Variants in ABTB2 observed in about 807,000 individuals in gnomAD.
The protein encoded by ABTB2 is ankyrin repeat and BTB/POZ domain-containing protein 2.
Under a neutral mutation model 104.1 loss-of-function variants are expected in ABTB2, and 56 were observed. The observed-to-expected ratio is 0.54, with a 90% confidence interval of 0.43 to 0.67. The LOEUF is 0.67. ABTB2 is among the 30% of genes least tolerant of loss of function. The pLI is 0.00. For synonymous variants in ABTB2, 606 were observed against 608.2 expected (o/e 1.00, Z 0.05); for missense variants, 1,279 against 1,407.7 (o/e 0.91, Z 1.46).
In ABTB2 at chr11:34,357,090, A is replaced by C. The variant is rs1198998779; in HGVS notation, c.494T>G (p.Val165Gly). ...GCTCTCGGCCAGCGCCCAGCTGTGC[A>C]CCAGGCGCACGGCGCTCTGCACCTC... The part of the protein sequence containing the change: ...RFEVQSAVRL[V>G]HSWALAESCA... Residue 165 changes from valine to glycine, a missense_variant, in exon 1 of 17, where the codon GTG becomes GGG. Val to Gly is a moderately radical substitution (Grantham distance 109, BLOSUM62 -3). Transcript: ENST00000435224. 2.0e-6 allele frequency: 3 copies of C among 1,520,620 alleles called. No individual in the cohort carries two copies. Among genetic ancestry groups the C allele is most frequent in the Non-Finnish European group, 2.6e-6 (3 of 1,137,824 alleles). 94.2% of individuals were successfully genotyped at this position (1,520,620 alleles called of 1,614,324 possible).
In ABTB2 at chr11:34,350,340, C is replaced by T. The variant is rs114707898; in HGVS notation, c.883+6361G>A. 1.3e-3 allele frequency among the ~76,000 whole-genome samples: 198 copies of T among 152,282 alleles called. 1 individual carries two copies. Among genetic ancestry groups the T allele is most frequent in the African/African-American group, 4.6e-3 (191 of 41,558 alleles). On this transcript the variant is annotated intron_variant, in intron 1 of 16. Transcript: ENST00000435224. ...AGACTCAAATCCCTCTTGGTGCCTTCTCTCCTTCATGTATTAGCCTTTGCT... is the reference window on the plus strand; with the variant it reads ...AGACTCAAATCCCTCTTGGTGCCTTTTCTCCTTCATGTATTAGCCTTTGCT...
intron 1 of ABTB2, among the ~76,000 whole-genome samples, chr11:34,342,961 A>G (rs1434431751): frequency 6.7e-6 from 1 of 148,974 alleles, no homozygotes. Context: ...TTATTTATTT[A>G]TTCGTTCATT....
In ABTB2 at chr11:34,289,977, C is replaced by T. The variant is rs551355354; in HGVS notation, c.883+66724G>A. 6.6e-5 allele frequency among the ~76,000 whole-genome samples: 10 copies of T among 152,314 alleles called. No individual in the cohort carries two copies. In the South Asian group the frequency reaches 2.1e-3, roughly 32 times the overall value. On this transcript the variant is annotated intron_variant, in intron 1 of 16. Transcript: ENST00000435224. ...TAACTAACTATAGTCCTCACTCTCC[C>T]CAGTTGTCTTCTACAATTTCCAATT...
At chr11:34,210,168 G>A (rs527424848) in intron 1 of ABTB2, among the ~76,000 whole-genome samples, 2 of 152,292 alleles carry the variant, frequency 1.3e-5, no homozygotes, top group East Asian at 3.9e-4. Context: ...GCAGGGCTTA[G>A]GCCAAAGGCC....
chr11:34,288,809 A>C (rs1217442403), intron 1 of ABTB2, among the ~76,000 whole-genome samples: 1 of 152,088 alleles, frequency 6.6e-6, no homozygotes, highest in Non-Finnish European at 1.5e-5. Flanking sequence ...ATACATGGAA[A>C]CGCTCTGCTC....
chr11:34,171,171 A>C, intron 4 of ABTB2, 100 bp from the exon 5 acceptor site: 1 of 1,338,932 alleles, frequency 7.5e-7, no homozygotes, highest in Non-Finnish European at 1.0e-6. Flanking sequence ...AGTGAGGATG[A>C]GGATGGGTGG....
chr11:34,347,614 T>C (rs967691285), intron 1 of ABTB2, among the ~76,000 whole-genome samples: 1 of 152,180 alleles, frequency 6.6e-6, no homozygotes, highest in African/African-American at 2.4e-5. Context: ...CCTGAGTTAT[T>C]AGCTAAGCCA....
rs1050875722 is a variant in ABTB2 at position 34,167,369 on chromosome 11, T to C, written c.1654-9A>G. The C allele has an allele frequency of 1.2e-6, 2 of 1,610,136 alleles. No individual in the cohort carries two copies. Among genetic ancestry groups the C allele is most frequent in the Non-Finnish European group, 1.7e-6 (2 of 1,177,870 alleles). On this transcript the variant is annotated splice_polypyrimidine_tract_variant and intron_variant, in intron 6 of 16. Coordinates refer to ENST00000435224, the MANE Select transcript of ABTB2 (RefSeq NM_145804.3). ...GGGGAGTTGCTTGGAACCTGGAAAA[T>C]ACCACAAATCATCTGTGTTTTCTGG...
At chr11:34,296,989 C>G (rs1000893743) in intron 1 of ABTB2, among the ~76,000 whole-genome samples, 2 of 152,198 alleles carry the variant, frequency 1.3e-5, no homozygotes, top group Admixed American at 1.3e-4. Flanking sequence ...AAATTTACCA[C>G]CTATCCTATT....
At chr11:34,352,703 G>T (rs1168606543) in intron 1 of ABTB2, among the ~76,000 whole-genome samples, 1 of 152,174 alleles carries the variant, frequency 6.6e-6, no homozygotes, top group Non-Finnish European at 1.5e-5. Flanking sequence ...TTTTGCAGAT[G>T]ACAAAATTGA....
Position 34,167,890 on chromosome 11 carries a change from G to C in ABTB2, c.1653+13C>G, listed in dbSNP as rs780149670. On this transcript the variant is annotated intron_variant, in intron 6 of 16. Coordinates refer to ENST00000435224, the MANE Select transcript of ABTB2 (RefSeq NM_145804.3). Reference sequence around the variant, plus strand: ...GCCTAGGGCCTGGGTGCAGCTCTGTGGGGCTTCCTCACCTGGATGTCCAAG... The same window carrying C: ...GCCTAGGGCCTGGGTGCAGCTCTGTCGGGCTTCCTCACCTGGATGTCCAAG... The C allele has an allele frequency of 1.2e-6, 2 of 1,613,810 alleles. No homozygotes were observed. The highest frequency in any genetic ancestry group is 3.3e-5 in the Admixed American group (2 of 60,022).
chr11:34,270,840 G>A (rs1377407745), intron 1 of ABTB2, among the ~76,000 whole-genome samples: 1 of 152,164 alleles, frequency 6.6e-6, no homozygotes, highest in Non-Finnish European at 1.5e-5. Flanking sequence ...GTCAAGTTTT[G>A]GGTTTTCTTC....
intron 1 of ABTB2, among the ~76,000 whole-genome samples, chr11:34,206,090 T>C (rs1379561523): frequency 1.3e-5 from 2 of 152,190 alleles, no homozygotes; most frequent in African/African-American, 4.8e-5. Flanking sequence ...CCAGGCACAG[T>C]GGATCACACA....
intron 1 of ABTB2, among the ~76,000 whole-genome samples, chr11:34,302,667 C>T (rs1358171397): frequency 6.6e-6 from 1 of 152,164 alleles, no homozygotes; most frequent in African/African-American, 2.4e-5. Flanking sequence ...ACCTCAAGGG[C>T]AGCAAGCAAA....
intron 1 of ABTB2, among the ~76,000 whole-genome samples, chr11:34,350,378 C>T (rs555668144): frequency 4.4e-4 from 67 of 152,318 alleles, no homozygotes; most frequent in African/African-American, 1.4e-3. Flanking sequence ...GCTGACCCGC[C>T]CATCCTTTAG....
At chr11:34,233,717 TAA>T (rs1394799678) in intron 1 of ABTB2, among the ~76,000 whole-genome samples, 3 of 151,872 alleles carry the variant, frequency 2.0e-5, no homozygotes, top group African/African-American at 7.2e-5. Context: ...GAATAATGAA[TAA>T]AGTTTCTTTT....
intron 1 of ABTB2, among the ~76,000 whole-genome samples, chr11:34,251,406 C>G (rs1338464144): frequency 6.6e-6 from 1 of 152,178 alleles, no homozygotes; most frequent in Non-Finnish European, 1.5e-5. Flanking sequence ...CAGAGAAATA[C>G]AGCCAGAAAC....
intron 1 of ABTB2, among the ~76,000 whole-genome samples, chr11:34,316,164 G>C (rs1854927452): frequency 6.6e-6 from 1 of 152,190 alleles, no homozygotes; most frequent in Non-Finnish European, 1.5e-5. Flanking sequence ...CCCCGTCCCT[G>C]GGCAAGGAGG....
Position 34,357,655 on chromosome 11 carries a change from C to G in ABTB2, c.-72G>C, listed in dbSNP as rs887254470. 3 of 1,412,216 alleles carry G rather than the reference C, an allele frequency of 2.1e-6. No homozygotes were observed. The African/African-American group carries it at 4.4e-5, about 21-fold the overall frequency. 87.5% of individuals were successfully genotyped at this position (1,412,216 alleles called of 1,614,324 possible). On this transcript the variant is annotated 5_prime_UTR_variant, in exon 1 of 17. Coordinates refer to ENST00000435224, the MANE Select transcript of ABTB2 (RefSeq NM_145804.3). ...CTCCATGCCCTCTTTCCCAAGTGGG[C>G]AGAAACAAGCTCTAGGCCCTCCGGG...
Sources: gnomAD v4.1 joint callset for allele counts (sites outside exome capture counted in the v4.1 genomes callset) on GRCh38, gnomAD v4.1.1 for gene constraint, MANE v1.5 for transcripts, NCBI Gene and HGNC (gene_info 2026-07-23, HGNC 2026-07-21) for gene names.